The following ZNFX1 variants were observed in gnomAD, a reference collection of about 807,000 sequenced individuals.
The protein encoded by ZNFX1 is NFX1-type zinc finger-containing protein 1.
Under a neutral mutation model 179.8 loss-of-function variants are expected in ZNFX1, and 78 were observed. The ratio of observed to expected loss-of-function variants is 0.43; its 90% CI spans 0.36 to 0.52. The LOEUF (loss-of-function observed/expected upper bound fraction) is 0.52, where lower values mean the gene tolerates loss of function less well. Among genes scored for constraint, ZNFX1 ranks in the 20% least tolerant of loss-of-function variants. ZNFX1 has a pLI of 0.00. For missense variants in ZNFX1, 1,927 were observed against 2,386.6 expected (o/e 0.81, Z 4.01); for synonymous variants, 848 against 868.5 (o/e 0.98, Z 0.42).
intron 2 of ZNFX1, among the ~76,000 whole-genome samples, chr20:49,275,130 A>T (rs1031966573): frequency 1.1e-4 from 16 of 152,236 alleles, no homozygotes; most frequent in South Asian, 8.3e-4. Context: ...CTCAAAAAAA[A>T]AAAATAAAAT....
intron 9 of ZNFX1, 26 bp from the exon 10 acceptor site, chr20:49,254,675 A>G (rs113312852): frequency 4.3e-6 from 7 of 1,609,552 alleles, no homozygotes; most frequent in African/African-American, 4.0e-5. Context: ...AACCAAGGAA[A>G]GAAAGCCACA....
At chr20:49,263,534 A>C in intron 5 of ZNFX1, 51 bp from the exon 6 acceptor site, 2 of 1,547,504 alleles carry the variant, frequency 1.3e-6, no homozygotes, top group Non-Finnish European at 1.7e-6. Flanking sequence ...TCATCCCCCA[A>C]ACTCAGTCCT....
intron 6 of ZNFX1, among the ~76,000 whole-genome samples, chr20:49,261,827 T>A (rs1336965601): frequency 6.6e-6 from 1 of 151,428 alleles, no homozygotes; most frequent in Non-Finnish European, 1.5e-5. Context: ...TTTATTTTTT[T>A]AGTAGAGACG....
chr20:49,265,334 A>C (rs1981209295), intron 4 of ZNFX1, among the ~76,000 whole-genome samples: 1 of 152,254 alleles, frequency 6.6e-6, no homozygotes, highest in Admixed American at 6.5e-5. Flanking sequence ...GCATGTGCCA[A>C]GTTCTGAAGA....
intron 8 of ZNFX1, 131 bp from the exon 9 acceptor site, chr20:49,256,078 C>A (rs773113197): frequency 1.3e-5 from 15 of 1,150,534 alleles, no homozygotes; most frequent in Non-Finnish European, 1.8e-5. Flanking sequence ...CTTACATTCT[C>A]CCAACAGCTC....
intron 7 of ZNFX1, 37 bp from the exon 8 acceptor site, chr20:49,257,701 TC>T (rs762208076): frequency 2.8e-6 from 4 of 1,432,818 alleles, no homozygotes; most frequent in Non-Finnish European, 3.7e-6. Flanking sequence ...AGATGAAAAC[TC>T]TTTTTTTTTT....
At chr20:49,255,429 C>G (rs1325196014) in intron 9 of ZNFX1, among the ~76,000 whole-genome samples, 1 of 152,004 alleles carries the variant, frequency 6.6e-6, no homozygotes, top group Non-Finnish European at 1.5e-5. Context: ...TCAAGAGATC[C>G]TCTAGCCTCA....
At position 49,249,533 on chromosome 20, in the gene ZNFX1, A is replaced by G; in HGVS notation, c.3491T>C (p.Leu1164Pro). Residue 1164 changes from leucine (L) to proline (P), a missense_variant, in exon 14 of 14, where the codon CTC (leucine) becomes CCC (proline). Coordinates refer to ENST00000396105, the MANE Select transcript of ZNFX1 (RefSeq NM_021035.3). ...ITILTTYTGQ[L>P]FCLRKLMPAK... ...AGGCATCAGTTTGCGCAGGCAGAAG[A>G]GCTGCCCGGTATAGGTAGTGAGGAT... The G allele has an allele frequency of 6.2e-7, 1 of 1,614,218 alleles. No homozygotes were observed. The highest frequency in any genetic ancestry group is 8.5e-7 in the Non-Finnish European group (1 of 1,180,034).
At chr20:49,273,757 CTG>C (rs994407967) in intron 2 of ZNFX1, among the ~76,000 whole-genome samples, 3 of 152,136 alleles carry the variant, frequency 2.0e-5, no homozygotes, top group African/African-American at 7.2e-5. Flanking sequence ...TGGAGAAACC[CTG>C]TCTCTACTAA....
chr20:49,259,406 T>G (rs796187432), intron 7 of ZNFX1, among the ~76,000 whole-genome samples: 7 of 152,148 alleles, frequency 4.6e-5, no homozygotes, highest in African/African-American at 1.7e-4. Flanking sequence ...TAACACATTG[T>G]CTAGTATATA....
chr20:49,252,022 A>G (rs1980850633), intron 12 of ZNFX1, among the ~76,000 whole-genome samples: 1 of 151,758 alleles, frequency 6.6e-6, no homozygotes, highest in African/African-American at 2.4e-5. Flanking sequence ...TAGCAGAGAC[A>G]GTGTTTCGCC....
intron 8 of ZNFX1, 156 bp from the exon 9 acceptor site, chr20:49,256,103 G>A: frequency 1.1e-6 from 1 of 921,108 alleles, no homozygotes; most frequent in East Asian, 2.7e-5. Context: ...ACTGTAGAGT[G>A]GCTAAACAAG....
intron 12 of ZNFX1, among the ~76,000 whole-genome samples, chr20:49,252,135 A>G (rs1400683910): frequency 6.9e-6 from 1 of 144,700 alleles, no homozygotes; most frequent in Non-Finnish European, 1.5e-5. Flanking sequence ...CCTGGCCTCT[A>G]TTTTTCTTTT....
In ZNFX1 at chr20:49,248,784, C is replaced by T. The variant is rs199681576; in HGVS notation, c.4240G>A (p.Val1414Ile). Residue 1414 changes from valine to isoleucine, a missense_variant, in exon 14 of 14, where the codon GTA becomes ATA. By Grantham distance (29) the Val-to-Ile change is conservative (BLOSUM62 3). Transcript: ENST00000396105. This position sits in a 1 kb window ranked among gnomAD's most constrained non-coding sequence, Gnocchi z 4.6. ...IKLKCGHSQP[V>I]KCGHVEGLLY... ...AGGCCTTCCACATGACCACATTTTA[C>T]CGGTTGACTGTGCCCACACTTGAGT... 1 of 1,614,204 alleles carries T rather than the reference C, an allele frequency of 6.2e-7. No individual in the cohort carries two copies. The highest frequency in any genetic ancestry group is 8.5e-7 in the Non-Finnish European group (1 of 1,180,052).
rs1359094689 is a variant in ZNFX1 at position 49,260,457 on chromosome 20, T to G, written c.2416+6A>C. 6.2e-7 allele frequency: 1 copy of G among 1,603,104 alleles called. No individual in the cohort carries two copies. The highest frequency in any genetic ancestry group is 1.1e-5 in the South Asian group (1 of 90,374). ...ATTTGATTCTAGGAAGACATGCACT[T>G]CTTACCTGTATTCTCAGGTCCTGCT... On this transcript the variant is annotated splice_donor_region_variant and intron_variant, in intron 7 of 13. Transcript: ENST00000396105.
Position 49,249,541 on chromosome 20 carries a change from G to A in ZNFX1, c.3483C>T (p.Thr1161=), listed in dbSNP as rs758928717. Residue 1161 remains threonine (T), a synonymous_variant, in exon 14 of 14, where the codon ACC becomes ACT. Transcript: ENST00000396105. ...PSQITILTTY[T]GQLFCLRKLM... Reference sequence around the variant, plus strand: ...GTTTGCGCAGGCAGAAGAGCTGCCCGGTATAGGTAGTGAGGATGGTGATCT... The same window carrying A: ...GTTTGCGCAGGCAGAAGAGCTGCCCAGTATAGGTAGTGAGGATGGTGATCT... 6.8e-6 allele frequency: 11 copies of A among 1,614,100 alleles called. No individual in the cohort carries two copies. The highest frequency in any genetic ancestry group is 6.7e-5 in the East Asian group (3 of 44,888).
chr20:49,247,175 A>G lies in ZNFX1; in HGVS notation c.*92T>C. On this transcript the variant is annotated 3_prime_UTR_variant, in exon 14 of 14. Transcript: ENST00000396105. ...AGCCACTGCGCCCAGCCTAAAAAGG[A>G]TGATAATAAAAAACAAACTTCAGTT... The G allele has an allele frequency of 6.7e-7, 1 of 1,501,722 alleles. No individual in the cohort carries two copies. The highest frequency in any genetic ancestry group is 8.9e-7 in the Non-Finnish European group (1 of 1,119,488). 93.0% of individuals were successfully genotyped at this position (1,501,722 alleles called of 1,614,324 possible).
chr20:49,273,819 A>G (rs934188108), intron 2 of ZNFX1, among the ~76,000 whole-genome samples: 3 of 152,126 alleles, frequency 2.0e-5, no homozygotes, highest in Admixed American at 2.0e-4. Context: ...GGTCCCAGCT[A>G]CTTGGGAGGC....
intron 8 of ZNFX1, 76 bp downstream of exon 8, chr20:49,257,341 T>C: frequency 6.3e-7 from 1 of 1,579,590 alleles, no homozygotes; most frequent in Admixed American, 1.7e-5. Context: ...GAAGTGAATA[T>C]ACTGTATCAG....
Sources: gnomAD v4.1 joint callset for allele counts (sites outside exome capture counted in the v4.1 genomes callset) on GRCh38, gnomAD v4.1.1 for gene constraint, Gnocchi (gnomAD v3.1) non-coding constraint, MANE v1.5 for transcripts, NCBI Gene and HGNC (gene_info 2026-07-23, HGNC 2026-07-21) for gene names.